Variants in STX8 observed in about 807,000 individuals in gnomAD.
The protein encoded by STX8 is syntaxin-8.
A neutral mutation model predicts 37.5 loss-of-function variants in STX8; 23 were observed. The observed-to-expected ratio is 0.61, with a 90% CI of 0.44 to 0.87. The LOEUF (loss-of-function observed/expected upper bound fraction) is 0.87. Ranked by LOEUF, STX8 falls within the 40% of genes least tolerant of loss-of-function variation. STX8 has a pLI of 0.00. For synonymous variants in STX8, 115 were observed against 99.1 expected (o/e 1.16, Z -0.95); for missense variants, 313 against 284.7 (o/e 1.10, Z -0.71).
chr17:9,492,698 A>C (rs1483723186), intron 5 of STX8, among the ~76,000 whole-genome samples: 2 of 152,200 alleles, frequency 1.3e-5, no homozygotes, highest in Admixed American at 1.3e-4. Context: ...CTGTTATCCC[A>C]GCCACTTTGG....
chr17:9,395,644 T>C (rs559454555), intron 6 of STX8, among the ~76,000 whole-genome samples: 1 of 152,338 alleles, frequency 6.6e-6, no homozygotes, highest in South Asian at 2.1e-4. Flanking sequence ...CCTTTGGGTT[T>C]GTCCTGCTGT....
intron 6 of STX8, among the ~76,000 whole-genome samples, chr17:9,379,946 C>T (rs1017016288): frequency 8.0e-5 from 12 of 149,692 alleles, no homozygotes; most frequent in East Asian, 3.9e-4. Flanking sequence ...CCAGTTTGGG[C>T]GACAGAGAGA....
intron 6 of STX8, among the ~76,000 whole-genome samples, chr17:9,466,397 T>C (rs1905614924): frequency 6.6e-6 from 1 of 152,176 alleles, no homozygotes; most frequent in Admixed American, 6.5e-5. Context: ...TTGGAAAACA[T>C]GGTGGACTGT....
rs535284062 is a variant in STX8, at chr17:9,538,016, G to A, written c.323+7156C>T. 2.0e-5 allele frequency among the ~76,000 whole-genome samples: 3 copies of A among 152,230 alleles called. No homozygotes were observed. The East Asian group carries it at 5.8e-4, about 29-fold the overall frequency. ...CAGTATCAGTGTATAGCACATAGTA[G>A]GCACTCAATAAAGATCTACTTAATG... On this transcript the variant is annotated intron_variant, in intron 4 of 7. Transcript: ENST00000306357.
chr17:9,402,367 C>T (rs574456469), intron 6 of STX8, among the ~76,000 whole-genome samples: 8 of 152,146 alleles, frequency 5.3e-5, no homozygotes, highest in South Asian at 2.1e-4. Flanking sequence ...GTGATCTGCC[C>T]GCCTCGGCCT....
chr17:9,424,501 C>T (rs1913554901), intron 6 of STX8, among the ~76,000 whole-genome samples: 1 of 152,098 alleles, frequency 6.6e-6, no homozygotes, highest in Admixed American at 6.6e-5. Flanking sequence ...TTACACCTGC[C>T]TAAAGTGCAG....
At chr17:9,448,981 T>A (rs1904948740) in intron 6 of STX8, among the ~76,000 whole-genome samples, 1 of 152,110 alleles carries the variant, frequency 6.6e-6, no homozygotes, top group African/African-American at 2.4e-5. Flanking sequence ...ATTAAAAAAA[T>A]TTCTAAAATG....
chr17:9,362,540 TG>T (rs1911091926), intron 7 of STX8, among the ~76,000 whole-genome samples: 1 of 152,026 alleles, frequency 6.6e-6, no homozygotes, highest in Admixed American at 6.6e-5. Context: ...TCTCTCTGGC[TG>T]GGCGCGGTGG....
At position 9,274,727 on chromosome 17, in the gene STX8, C is replaced by A. The variant is rs1183320962; in HGVS notation, c.644-24082G>T. ...TAATAATAATAATAAACAAAGTCTT[C>A]AAAAATACAACAATTTCTTTTTTCT... On this transcript the variant is annotated intron_variant, in intron 7 of 7. Transcript: ENST00000306357. Among the ~76,000 whole-genome samples the A allele has an allele frequency of 2.5e-4, 30 of 119,860 alleles. 3 individuals carry two copies. Among genetic ancestry groups the A allele is most frequent in the Middle Eastern group, 4.7e-3 (1 of 212 alleles). The allele number at this position is 119,860 out of a possible 152,430, so 78.6% of individuals were successfully genotyped here.
Position 9,481,707 on chromosome 17 carries a change from C to T in STX8, c.541+10122G>A, listed in dbSNP as rs149997765. Among the ~76,000 whole-genome samples the T allele has an allele frequency of 5.4e-3, 826 of 152,224 alleles. 6 individuals are homozygous for T. Among genetic ancestry groups the T allele is most frequent in the African/African-American group, 0.019 (796 of 41,526 alleles). On this transcript the variant is annotated intron_variant, in intron 6 of 7. Transcript: ENST00000306357. ...CACCAGTCCATGGCCTGTTAGGAAC[C>T]GAGCCACACAGCAGGACGTGAGCAG...
intron 4 of STX8, among the ~76,000 whole-genome samples, chr17:9,528,249 C>T (rs1905659586): frequency 6.6e-6 from 1 of 152,128 alleles, no homozygotes; most frequent in Non-Finnish European, 1.5e-5. Flanking sequence ...GAGAAAGGCA[C>T]TGGAGGGGCA....
intron 7 of STX8, among the ~76,000 whole-genome samples, chr17:9,253,089 T>A (rs573825688): frequency 7.9e-5 from 12 of 152,326 alleles, no homozygotes; most frequent in African/African-American, 2.9e-4. Flanking sequence ...ATTTCTTTCA[T>A]CTAGGGATTT....
chr17:9,330,477 G>A (rs1213971896), intron 7 of STX8, among the ~76,000 whole-genome samples: 1 of 152,190 alleles, frequency 6.6e-6, no homozygotes, highest in Non-Finnish European at 1.5e-5. Context: ...GGTTACCCTG[G>A]TGTTAGTCCA....
intron 7 of STX8, among the ~76,000 whole-genome samples, chr17:9,265,411 C>T (rs1250758839): frequency 6.6e-6 from 1 of 152,252 alleles, no homozygotes; most frequent in Non-Finnish European, 1.5e-5. Context: ...CCTGGGCACA[C>T]TGTGTATGGG....
intron 7 of STX8, among the ~76,000 whole-genome samples, chr17:9,284,336 C>CT (rs1435321698): frequency 1.3e-5 from 2 of 152,174 alleles, no homozygotes; most frequent in Non-Finnish European, 2.9e-5. Context: ...CAATGATCAA[C>CT]TACAAGACGG....
chr17:9,448,236 C>T (rs1008723665), intron 6 of STX8, among the ~76,000 whole-genome samples: 1 of 151,756 alleles, frequency 6.6e-6, no homozygotes, highest in Non-Finnish European at 1.5e-5. Context: ...AATTTGCCTA[C>T]TTGCTAAAAC....
chr17:9,459,998 G>A (rs1597686563), intron 6 of STX8, among the ~76,000 whole-genome samples: 2 of 152,336 alleles, frequency 1.3e-5, no homozygotes, highest in East Asian at 3.9e-4. Context: ...AATGTGGCTT[G>A]CAGAGGCCGA....
chr17:9,268,949 A>T (rs1053405499), intron 7 of STX8, among the ~76,000 whole-genome samples: 1 of 152,204 alleles, frequency 6.6e-6, no homozygotes, highest in Non-Finnish European at 1.5e-5. Context: ...GCACTTTGGG[A>T]GGCTGAGGCG....
chr17:9,422,020 G>A (rs1043668751), intron 6 of STX8, among the ~76,000 whole-genome samples: 5 of 151,750 alleles, frequency 3.3e-5, no homozygotes, highest in African/African-American at 9.7e-5. Context: ...CTGAGGCCTC[G>A]CCGAGCCATG....
Sources: gnomAD v4.1 joint callset for allele counts (sites outside exome capture counted in the v4.1 genomes callset) on GRCh38, gnomAD v4.1.1 for gene constraint, MANE v1.5 for transcripts, NCBI Gene and HGNC (gene_info 2026-07-23, HGNC 2026-07-21) for gene names.